The following PTPRA variants were observed in gnomAD, a reference collection of about 807,000 sequenced individuals.
PTPRA encodes protein tyrosine phosphatase receptor type A.
Under a neutral mutation model 104.8 loss-of-function variants are expected in PTPRA, and 25 were observed. That is an observed-to-expected ratio of 0.24 (90% CI 0.17 to 0.33). The LOEUF is 0.33. Among genes scored for constraint, PTPRA ranks in the 10% least tolerant of loss-of-function variants. The probability of loss-of-function intolerance (pLI) is 1.00; values close to 1 mark genes in which losing one functional copy is unlikely to be tolerated. For synonymous variants in PTPRA, 323 were observed against 368.9 expected (o/e 0.88, Z 1.43); for missense variants, 765 against 1,015.3 (o/e 0.75, Z 3.35).
chr20:2,878,463 G>A (rs1277507337), intron 1 of PTPRA, among the ~76,000 whole-genome samples: 1 of 152,182 alleles, frequency 6.6e-6, no homozygotes, highest in Non-Finnish European at 1.5e-5. Flanking sequence ...ACCCGCCTTG[G>A]CCTCCCAAAG....
chr20:2,865,143 C>A, the PTPRA span: 8 of 1,614,142 alleles, frequency 5.0e-6, no homozygotes, highest in South Asian at 8.8e-5. The surrounding 1 kb of genome is among the most constrained non-coding windows in gnomAD (Gnocchi z 5.2). Context: ...TATCCGGGTC[C>A]CCAGGCTACA....
chr20:2,962,881 C>A (rs1427837498), intron 3 of PTPRA, among the ~76,000 whole-genome samples: 4 of 152,110 alleles, frequency 2.6e-5, no homozygotes, highest in African/African-American at 9.7e-5. Flanking sequence ...TCCCCCCCTA[C>A]CCTTGAGATT....
chr20:2,938,101 G>A (rs6084207), intron 2 of PTPRA, among the ~76,000 whole-genome samples: 24,585 of 152,076 alleles, frequency 0.16, 2,455 homozygotes, highest in South Asian at 0.34. Flanking sequence ...AGAGGATTTC[G>A]TGAGTCCAGG....
intron 1 of PTPRA, among the ~76,000 whole-genome samples, chr20:2,917,404 T>A (rs148042397): frequency 2.0e-5 from 3 of 152,302 alleles, no homozygotes; most frequent in East Asian, 3.9e-4. Context: ...ATTATTTCTC[T>A]GGAGCCCTTC....
chr20:3,037,023 G>C lies in PTPRA; in HGVS notation c.2199-131G>C. ...GCCTCCCGACCCAGAACCCCTCCAGGCTGGTGGGTCCACAGGGCAAAGGCG... is the reference window on the plus strand; with the variant it reads ...GCCTCCCGACCCAGAACCCCTCCAGCCTGGTGGGTCCACAGGGCAAAGGCG... On this transcript the variant is annotated intron_variant, in intron 22 of 23. Transcript: ENST00000399903. This position sits in a 1 kb window ranked among gnomAD's most constrained non-coding sequence, Gnocchi z 4.3. 1 of 1,289,536 alleles carries C rather than the reference G, an allele frequency of 7.8e-7. No individual in the cohort carries two copies. The highest frequency in any genetic ancestry group is 1.4e-5 in the South Asian group (1 of 71,436). The allele number at this position is 1,289,536 out of a possible 1,614,324, so 79.9% of individuals were successfully genotyped here.
chr20:3,014,891 T>C (rs1464478332), intron 11 of PTPRA, among the ~76,000 whole-genome samples: 2 of 152,204 alleles, frequency 1.3e-5, no homozygotes, highest in African/African-American at 4.8e-5. Flanking sequence ...AACAATGACG[T>C]TGAAAAGATG....
At chr20:2,921,875 A>G (rs2060110798) in intron 1 of PTPRA, among the ~76,000 whole-genome samples, 1 of 152,204 alleles carries the variant, frequency 6.6e-6, no homozygotes, top group African/African-American at 2.4e-5. Context: ...CACTTTGCAC[A>G]GTCATTGACT....
At chr20:2,956,216 C>T (rs1350414125) in intron 3 of PTPRA, among the ~76,000 whole-genome samples, 1 of 152,218 alleles carries the variant, frequency 6.6e-6, no homozygotes, top group Admixed American at 6.5e-5. Context: ...ATCCTTCACT[C>T]TGCCATCAGT....
intron 1 of PTPRA, among the ~76,000 whole-genome samples, chr20:2,896,637 C>T (rs923069441): frequency 3.9e-5 from 6 of 152,152 alleles, no homozygotes; most frequent in Non-Finnish European, 7.3e-5. Context: ...TTCCTGAAAA[C>T]AAGGATACTC....
chr20:2,949,222 G>T (rs940809051), intron 3 of PTPRA, among the ~76,000 whole-genome samples: 2 of 151,504 alleles, frequency 1.3e-5, no homozygotes, highest in African/African-American at 2.4e-5. Context: ...TTTTGCTAGG[G>T]TATAAAAATT....
rs75169967 is a variant in PTPRA at position 3,028,253 on chromosome 20, A to G, written c.1920+412A>G. On this transcript the variant is annotated intron_variant, in intron 20 of 23. Coordinates refer to ENST00000399903, the MANE Select transcript of PTPRA (RefSeq NM_001385305.1). ...AGGTCAAGGTTCTGAGGTGGACCCA[A>G]TATGAGTGTCCCTAAGAAGGGATTG... Among the ~76,000 whole-genome samples the G allele has an allele frequency of 3.7e-3, 559 of 152,344 alleles. 3 individuals carry two copies. Among genetic ancestry groups the G allele is most frequent in the African/African-American group, 0.013 (535 of 41,578 alleles).
intron 1 of PTPRA, among the ~76,000 whole-genome samples, chr20:2,906,149 CATTA>C (rs2059421836): frequency 6.6e-6 from 1 of 152,124 alleles, no homozygotes; most frequent in Admixed American, 6.6e-5. Flanking sequence ...ACATTTGAAA[CATTA>C]ATTAGTAGAA....
intron 6 of PTPRA, among the ~76,000 whole-genome samples, chr20:2,977,636 C>A (rs1004065244): frequency 6.6e-6 from 1 of 151,032 alleles, no homozygotes; most frequent in East Asian, 1.9e-4. Flanking sequence ...CAGAGCAAGA[C>A]TCTGTCTCAA....
chr20:2,981,432 G>A (rs2148079932), intron 6 of PTPRA, among the ~76,000 whole-genome samples: 1 of 152,144 alleles, frequency 6.6e-6, no homozygotes, highest in East Asian at 1.9e-4. Flanking sequence ...AGATACTTTT[G>A]GTCATCAAAA....
At chr20:3,027,570 T>C in intron 19 of PTPRA, 137 bp from the exon 20 acceptor site, 4 of 1,202,310 alleles carry the variant, frequency 3.3e-6, no homozygotes, top group Non-Finnish European at 4.6e-6. Context: ...TAGGGTTTCG[T>C]CCTTGGCCAC....
chr20:2,865,146 A>G, the PTPRA span: 1 of 1,614,060 alleles, frequency 6.2e-7, no homozygotes, highest in Non-Finnish European at 8.5e-7. This position sits in a 1 kb window ranked among gnomAD's most constrained non-coding sequence, Gnocchi z 5.2. Context: ...CCGGGTCCCC[A>G]GGCTACAGAG....
chr20:3,005,890 C>T (rs1013415788), intron 10 of PTPRA, among the ~76,000 whole-genome samples: 2 of 151,928 alleles, frequency 1.3e-5, no homozygotes, highest in Admixed American at 1.3e-4. Context: ...AGACATTTTT[C>T]TAGTCCATTG....
chr20:2,974,084 G>A (rs1456253162), intron 5 of PTPRA, among the ~76,000 whole-genome samples: 1 of 151,412 alleles, frequency 6.6e-6, no homozygotes, highest in Non-Finnish European at 1.5e-5. Context: ...CCAAGTAGCT[G>A]GGACTACAGG....
intron 1 of PTPRA, among the ~76,000 whole-genome samples, chr20:2,910,403 ATT>A (rs1491099438): frequency 0.023 from 1,514 of 65,130 alleles, 150 homozygotes; most frequent in Admixed American, 0.093. Flanking sequence ...TATATAATAT[ATT>A]TTGTATATTA....
Sources: allele counts gnomAD v4.1 joint callset (sites outside exome capture counted in the v4.1 genomes callset), GRCh38; gene constraint gnomAD v4.1.1; non-coding constraint Gnocchi (gnomAD v3.1); transcripts MANE v1.5; gene names NCBI Gene and HGNC (gene_info 2026-07-23, HGNC 2026-07-21).